Variants in NRXN3 observed in about 807,000 individuals in gnomAD.
NRXN3 encodes neurexin III.
In NRXN3, 32 loss-of-function variants were observed where a neutral mutation model predicts 137.6. The observed-to-expected ratio is 0.23, with a 90% CI of 0.18 to 0.31. NRXN3 has a LOEUF of 0.31. NRXN3 is among the 10% of genes least tolerant of loss of function. The pLI, the probability that NRXN3 is intolerant of heterozygous loss-of-function variation, is 1.00. For missense variants in NRXN3, 1,574 were observed against 2,062.5 expected, an observed-to-expected ratio of 0.76 and a Z score of 4.59; for synonymous variants, 798 against 784.5, an observed-to-expected ratio of 1.02 and a Z score of -0.29.
intron 15 of NRXN3, among the ~76,000 whole-genome samples, chr14:79,438,862 C>T (rs779079114): frequency 4.6e-5 from 7 of 152,134 alleles, no homozygotes; most frequent in East Asian, 1.9e-4. Context: ...AGTAGAAGCC[C>T]GATGACTTCA....
chr14:78,613,721 T>C (rs748106317), intron 4 of NRXN3, among the ~76,000 whole-genome samples: 17 of 151,586 alleles, frequency 1.1e-4, no homozygotes, highest in Non-Finnish European at 2.5e-4. Context: ...CAAATCTTCA[T>C]TGAGTGAGAA....
chr14:79,093,018 A>C (rs561807825), intron 15 of NRXN3, among the ~76,000 whole-genome samples: 1 of 152,196 alleles, frequency 6.6e-6, no homozygotes, highest in Non-Finnish European at 1.5e-5. Flanking sequence ...ACTCATTCAC[A>C]CATTCATTTA....
rs368012134 is a variant in NRXN3 at position 79,753,036 on chromosome 14, G to C, written c.4015-52076G>C. 3.9e-4 allele frequency among the ~76,000 whole-genome samples: 59 copies of C among 150,972 alleles called. No individual in the cohort carries two copies. In the East Asian group the frequency reaches 8.4e-3, roughly 21 times the overall value. ...CACAATGAGATACCATCTCACACCAGTTAGAATGGCAATCATTAAAAAGTC... is the reference window on the plus strand; with the variant it reads ...CACAATGAGATACCATCTCACACCACTTAGAATGGCAATCATTAAAAAGTC... On this transcript the variant is annotated intron_variant, in intron 19 of 20. Coordinates refer to ENST00000335750, the MANE Select transcript of NRXN3 (RefSeq NM_001330195.2).
At chr14:79,583,805 T>A (rs889287077) in intron 16 of NRXN3, among the ~76,000 whole-genome samples, 2 of 152,164 alleles carry the variant, frequency 1.3e-5, no homozygotes, top group African/African-American at 2.4e-5. Flanking sequence ...GAGGGAACGA[T>A]GAACTCTCCA....
At chr14:78,501,473 C>G (rs906033223) in intron 4 of NRXN3, among the ~76,000 whole-genome samples, 1 of 152,154 alleles carries the variant, frequency 6.6e-6, no homozygotes, top group Non-Finnish European at 1.5e-5. Context: ...ATAAACAAGA[C>G]AGAAGCTATA....
intron 4 of NRXN3, among the ~76,000 whole-genome samples, chr14:78,421,967 G>A (rs2153678263): frequency 6.6e-6 from 1 of 152,338 alleles, no homozygotes; most frequent in African/African-American, 2.4e-5. Flanking sequence ...TGGAATGGGA[G>A]CAGGCAGAGG....
intron 1 of NRXN3, among the ~76,000 whole-genome samples, chr14:78,224,835 C>T (rs1176205904): frequency 1.5e-5 from 2 of 133,030 alleles, no homozygotes; most frequent in Non-Finnish European, 3.1e-5. Flanking sequence ...GGCGCAATCT[C>T]GGCTCACTGC....
rs1259262281 is a variant in NRXN3 at position 79,861,856 on chromosome 14, C to T, written c.4608C>T (p.Tyr1536=). ...GSYQVDETRN[Y]ISNSAQSNGT... ...ATCAAGTGGACGAGACGCGGAACTA[C>T]ATCAGCAACTCCGCCCAGAGCAACG... Residue 1536 remains tyrosine (Y), a synonymous_variant, in exon 21 of 21, where the codon TAC becomes TAT. Coordinates refer to ENST00000335750, the MANE Select transcript of NRXN3 (RefSeq NM_001330195.2). This position sits in a 1 kb window ranked among gnomAD's most constrained non-coding sequence, Gnocchi z 5.4. 1.2e-6 allele frequency: 2 copies of T among 1,614,112 alleles called. No individual in the cohort carries two copies. Among genetic ancestry groups the T allele is most frequent in the Non-Finnish European group, 1.7e-6 (2 of 1,180,002 alleles).
intron 10 of NRXN3, among the ~76,000 whole-genome samples, chr14:78,904,641 T>C (rs2152755075): frequency 6.6e-6 from 1 of 152,212 alleles, no homozygotes; most frequent in South Asian, 2.1e-4. Flanking sequence ...CCATTTTTAT[T>C]TGAATGATTT....
At chr14:78,835,675 T>C (rs1158928087) in intron 10 of NRXN3, among the ~76,000 whole-genome samples, 1 of 152,164 alleles carries the variant, frequency 6.6e-6, no homozygotes, top group African/African-American at 2.4e-5. Context: ...GCACTTTCTG[T>C]TGGGAGACTC....
At chr14:78,647,480 C>T (rs1264496371) in intron 5 of NRXN3, among the ~76,000 whole-genome samples, 5 of 152,226 alleles carry the variant, frequency 3.3e-5, no homozygotes, top group African/African-American at 4.8e-5. Context: ...TAGGTATAGA[C>T]GTGCTGTGAC....
intron 15 of NRXN3, among the ~76,000 whole-genome samples, chr14:79,294,476 C>T (rs1272789320): frequency 6.6e-6 from 1 of 152,154 alleles, no homozygotes; most frequent in African/African-American, 2.4e-5. Flanking sequence ...ATTATTTGAT[C>T]CACAGCACAG....
chr14:78,897,868 G>C (rs1283734328), intron 10 of NRXN3, among the ~76,000 whole-genome samples: 1 of 151,858 alleles, frequency 6.6e-6, no homozygotes, highest in Non-Finnish European at 1.5e-5. Context: ...GCCTTCCATG[G>C]ATGGCATATA....
chr14:79,819,897 A>C (rs2099266075), intron 20 of NRXN3, among the ~76,000 whole-genome samples: 1 of 152,010 alleles, frequency 6.6e-6, no homozygotes, highest in African/African-American at 2.4e-5. Context: ...CTTGTACACT[A>C]CATATTTGGG....
intron 20 of NRXN3, among the ~76,000 whole-genome samples, chr14:79,828,544 C>T (rs962323268): frequency 3.4e-5 from 5 of 146,908 alleles, no homozygotes; most frequent in South Asian, 2.2e-4. Flanking sequence ...TGCTTGAACC[C>T]GGGAGGTGGA....
intron 1 of NRXN3, among the ~76,000 whole-genome samples, chr14:78,236,833 C>A (rs543991163): frequency 6.6e-6 from 1 of 151,488 alleles, no homozygotes; most frequent in Admixed American, 6.6e-5. Context: ...TGCCTGCCTC[C>A]AAAGCCCATG....
At chr14:78,602,286 T>TTTTTTTTTTTTTTTTTTTTTTTG in intron 4 of NRXN3, 1 of 150,922 alleles carries the variant, frequency 6.6e-6, no homozygotes, top group African/African-American at 2.4e-5. Context: ...TTTTTTTTTT[T>TTTTTTTTTTTTTTTTTTTTTTTG]TTAAATTCCA....
intron 15 of NRXN3, among the ~76,000 whole-genome samples, chr14:79,431,740 T>G (rs2095758071): frequency 6.6e-6 from 1 of 152,116 alleles, no homozygotes; most frequent in Non-Finnish European, 1.5e-5. Flanking sequence ...AAATTTAAAA[T>G]GAACCTGCCT....
intron 15 of NRXN3, among the ~76,000 whole-genome samples, chr14:79,376,195 GGTGT>G (rs369678546): frequency 0.45 from 42,576 of 94,140 alleles, 8,859 homozygotes; most frequent in Middle Eastern, 0.55. Context: ...TATACATGTG[GGTGT>G]GTGTGTGTGT....
Sources: allele counts gnomAD v4.1 joint callset (sites outside exome capture counted in the v4.1 genomes callset), GRCh38; gene constraint gnomAD v4.1.1; non-coding constraint Gnocchi (gnomAD v3.1); transcripts MANE v1.5; gene names NCBI Gene and HGNC (gene_info 2026-07-23, HGNC 2026-07-21).